Variants in AFAP1 observed in about 807,000 individuals in gnomAD.
AFAP1 encodes actin filament associated protein 1.
A neutral mutation model predicts 93.9 loss-of-function variants in AFAP1; 75 were observed. That is an observed-to-expected ratio of 0.80 (90% CI 0.66 to 0.97). AFAP1 has a LOEUF of 0.97. AFAP1 is among the 50% of genes least tolerant of loss of function. AFAP1 has a pLI of 0.00. For missense variants in AFAP1, 1,201 were observed against 1,050.8 expected, an observed-to-expected ratio of 1.14 and a Z score of -1.98; for synonymous variants, 517 against 430.7, an observed-to-expected ratio of 1.20 and a Z score of -2.48.
intron 16 of AFAP1, among the ~76,000 whole-genome samples, chr4:7,771,424 GATAA>G (rs1378453516): frequency 6.6e-6 from 1 of 151,914 alleles, no homozygotes; most frequent in Admixed American, 6.6e-5. Context: ...ATATATAATA[GATAA>G]ATGTTGAATG....
chr4:7,873,060 G>A (rs867649128), intron 1 of AFAP1, among the ~76,000 whole-genome samples: 18 of 150,572 alleles, frequency 1.2e-4, no homozygotes, highest in Middle Eastern at 3.5e-3. Flanking sequence ...GACCAGCCTG[G>A]CCAACATGGC....
chr4:7,796,425 C>T (rs1225441944), intron 10 of AFAP1, among the ~76,000 whole-genome samples: 3 of 152,118 alleles, frequency 2.0e-5, no homozygotes, highest in Non-Finnish European at 2.9e-5. Flanking sequence ...AAATAAGTCA[C>T]GACAGTAAAG....
chr4:7,773,289 T>G, intron 15 of AFAP1: 1 of 388,018 alleles, frequency 2.6e-6, no homozygotes. Flanking sequence ...GGCCTCAATG[T>G]TCTCATTTTA....
At chr4:7,784,740 C>T (rs12501415) in intron 12 of AFAP1, among the ~76,000 whole-genome samples, 17,822 of 152,064 alleles carry the variant, frequency 0.12, 1,225 homozygotes, top group East Asian at 0.22. Flanking sequence ...CACCCACTTC[C>T]GACCCCGGCC....
In AFAP1 at chr4:7,761,602, C is replaced by T. The variant is rs1260607847; in HGVS notation, c.*2163G>A. The T allele has an allele frequency of 6.6e-6, 1 of 152,320 alleles. No homozygotes were observed. Among genetic ancestry groups the T allele is most frequent in the Non-Finnish European group, 1.5e-5 (1 of 68,100 alleles). 9.4% of individuals were successfully genotyped at this position (152,320 alleles called of 1,614,324 possible). ...CGTGACTTCAGGCTGGCCATCTCCC[C>T]CTTCTCTTACTAACCACCAAAACCT... On this transcript the variant is annotated 3_prime_UTR_variant, in exon 18 of 18. Coordinates refer to ENST00000420658, the MANE Select transcript of AFAP1 (RefSeq NM_001134647.2).
chr4:7,911,521 G>C (rs571755230), intron 1 of AFAP1, among the ~76,000 whole-genome samples: 1 of 152,174 alleles, frequency 6.6e-6, no homozygotes, highest in Admixed American at 6.5e-5. Context: ...CATGCTTTAC[G>C]GATTGCACAG....
chr4:7,814,551 C>T (rs1211586171), intron 8 of AFAP1, among the ~76,000 whole-genome samples: 2 of 152,198 alleles, frequency 1.3e-5, no homozygotes, highest in Non-Finnish European at 2.9e-5. Context: ...GGGCTGACTA[C>T]GGTCCATCCA....
chr4:7,804,033 G>A (rs937047757), intron 9 of AFAP1, among the ~76,000 whole-genome samples: 27 of 152,184 alleles, frequency 1.8e-4, no homozygotes, highest in Non-Finnish European at 2.4e-4. Flanking sequence ...AAGAGGCCAC[G>A]AAGGAAATGG....
rs536434910 is a variant in AFAP1 at position 7,915,919 on chromosome 4, T to C, written c.-3+23737A>G. Among the ~76,000 whole-genome samples, 9 of 152,352 alleles carry C rather than the reference T, an allele frequency of 5.9e-5. No homozygotes were observed. In the South Asian group the frequency reaches 1.9e-3, roughly 32 times the overall value. ...ATTACTTAATTTTTAATAAGAATTT[T>C]TTTAAAAGTGGGGGTGGTGGAAAAA... On this transcript the variant is annotated intron_variant, in intron 1 of 17. Transcript: ENST00000420658.
At chr4:7,896,247 A>C (rs895037397) in intron 1 of AFAP1, among the ~76,000 whole-genome samples, 2 of 152,138 alleles carry the variant, frequency 1.3e-5, no homozygotes, top group African/African-American at 4.8e-5. Context: ...CCACCATTAA[A>C]AGAGGTTTTT....
intron 3 of AFAP1, 52 bp downstream of exon 3, chr4:7,868,570 G>C: frequency 6.5e-7 from 1 of 1,543,112 alleles, no homozygotes; most frequent in Non-Finnish European, 8.8e-7. Flanking sequence ...GAGCCCGTAA[G>C]TACCCCCAGG....
At chr4:7,863,714 G>A (rs1380909451) in intron 3 of AFAP1, among the ~76,000 whole-genome samples, 1 of 152,008 alleles carries the variant, frequency 6.6e-6, no homozygotes, top group African/African-American at 2.4e-5. Context: ...ATTAACTATT[G>A]AATAAAGGTA....
intron 9 of AFAP1, among the ~76,000 whole-genome samples, chr4:7,801,186 G>A (rs543808001): frequency 2.0e-5 from 3 of 152,322 alleles, no homozygotes; most frequent in East Asian, 1.9e-4. Context: ...GATCCCCAGC[G>A]CTGGAAGCAG....
At chr4:7,807,899 C>T (rs1410644313) in intron 9 of AFAP1, among the ~76,000 whole-genome samples, 1 of 152,212 alleles carries the variant, frequency 6.6e-6, no homozygotes, top group Admixed American at 6.5e-5. Context: ...ATGGCCCATC[C>T]TCTGTATTAT....
chr4:7,795,874 T>C (rs1406136514), intron 10 of AFAP1, among the ~76,000 whole-genome samples: 3 of 152,208 alleles, frequency 2.0e-5, no homozygotes, highest in Admixed American at 6.5e-5. Context: ...CAGTTCATTG[T>C]ATGAAATGTC....
chr4:7,839,890 TC>T (rs1360309046), intron 5 of AFAP1, among the ~76,000 whole-genome samples: 8 of 152,184 alleles, frequency 5.3e-5, no homozygotes, highest in Non-Finnish European at 1.2e-4. Context: ...ACTTCCTGAG[TC>T]TGTTTCCTCG....
At chr4:7,808,183 T>C (rs899087918) in intron 9 of AFAP1, among the ~76,000 whole-genome samples, 2 of 152,210 alleles carry the variant, frequency 1.3e-5, no homozygotes, top group South Asian at 2.1e-4. Flanking sequence ...CACATTCCTA[T>C]AATTTCTCGA....
At chr4:7,803,031 C>T (rs1459905085) in intron 9 of AFAP1, among the ~76,000 whole-genome samples, 1 of 152,196 alleles carries the variant, frequency 6.6e-6, no homozygotes, top group Non-Finnish European at 1.5e-5. Context: ...ACCACGTGCT[C>T]GCCATGGCTC....
chr4:7,853,711 T>C (rs1347101743), intron 4 of AFAP1, among the ~76,000 whole-genome samples: 1 of 152,198 alleles, frequency 6.6e-6, no homozygotes, highest in African/African-American at 2.4e-5. Context: ...CACAAAACCA[T>C]CTCAAAGTTC....
Sources: allele counts gnomAD v4.1 joint callset (sites outside exome capture counted in the v4.1 genomes callset), GRCh38; gene constraint gnomAD v4.1.1; transcripts MANE v1.5; gene names NCBI Gene and HGNC (gene_info 2026-07-23, HGNC 2026-07-21).